MECOM: variants seen among roughly 807,000 people sequenced by gnomAD.
The protein encoded by MECOM is MDS1 and EVI1 complex locus.
MECOM carries 13 observed loss-of-function variants against 116.3 expected under a neutral mutation model. The observed-to-expected ratio is 0.11, with a 90% CI of 0.07 to 0.18. The LOEUF (loss-of-function observed/expected upper bound fraction) is 0.18, where lower values mean the gene tolerates loss of function less well. Among genes scored for constraint, MECOM ranks in the 10% least tolerant of loss-of-function variants. MECOM has a pLI of 1.00. For synonymous variants in MECOM, 528 were observed against 535.2 expected (o/e 0.99, Z 0.19); for missense variants, 1,299 against 1,509.0 (o/e 0.86, Z 2.31).
intron 2 of MECOM, among the ~76,000 whole-genome samples, chr3:169,254,237 A>G (rs182237023): frequency 1.3e-5 from 2 of 152,276 alleles, no homozygotes; most frequent in Non-Finnish European, 1.5e-5. Flanking sequence ...GAGTCAGTCT[A>G]GCACATCCAA....
chr3:169,569,830 A>G (rs780939348), intron 1 of MECOM, among the ~76,000 whole-genome samples: 4 of 152,212 alleles, frequency 2.6e-5, no homozygotes, highest in Non-Finnish European at 5.9e-5. Context: ...AATCTCTGGG[A>G]CACAGCTAAA....
intron 2 of MECOM, among the ~76,000 whole-genome samples, chr3:169,176,006 C>G (rs1439689811): frequency 6.6e-6 from 1 of 151,946 alleles, no homozygotes; most frequent in Non-Finnish European, 1.5e-5. Flanking sequence ...CGTTTTATTT[C>G]TTTACAAGAA....
chr3:169,214,200 G>T (rs765897371), intron 2 of MECOM, among the ~76,000 whole-genome samples: 1 of 151,878 alleles, frequency 6.6e-6, no homozygotes, highest in African/African-American at 2.4e-5. Context: ...AAACTAACAT[G>T]TATGAACATC....
chr3:169,548,971 C>CTTT (rs756925389), intron 1 of MECOM, among the ~76,000 whole-genome samples: 48 of 119,060 alleles, frequency 4.0e-4, no homozygotes, highest in East Asian at 2.2e-3. Context: ...ATTTGTCTCT[C>CTTT]TTTTTTTTTT....
At chr3:169,264,262 G>T (rs993468310) in intron 2 of MECOM, among the ~76,000 whole-genome samples, 3 of 152,148 alleles carry the variant, frequency 2.0e-5, no homozygotes, top group African/African-American at 7.2e-5. Flanking sequence ...TGTTGTTGTT[G>T]ATCTTTGTTT....
At chr3:169,100,101 C>CTTTTTT (rs869032341) in intron 12 of MECOM, among the ~76,000 whole-genome samples, 38 of 50,648 alleles carry the variant, frequency 7.5e-4, no homozygotes, top group African/African-American at 1.5e-3. Context: ...TTCTTTCTTT[C>CTTTTTT]TTTTTTTTTT....
chr3:169,510,412 A>T (rs1441168177), intron 1 of MECOM, among the ~76,000 whole-genome samples: 2 of 152,232 alleles, frequency 1.3e-5, no homozygotes, highest in Non-Finnish European at 2.9e-5. Flanking sequence ...CCTCCCAAGG[A>T]TGGCCTCCAT....
At chr3:169,597,825 A>C (rs1413244808) in intron 1 of MECOM, among the ~76,000 whole-genome samples, 1 of 152,188 alleles carries the variant, frequency 6.6e-6, no homozygotes, top group Non-Finnish European at 1.5e-5. Flanking sequence ...CAGAATAATG[A>C]AATAGGAGCC....
At chr3:169,149,118 C>T (rs2306281) in intron 2 of MECOM, among the ~76,000 whole-genome samples, 12,508 of 147,582 alleles carry the variant, frequency 0.085, 870 homozygotes, top group East Asian at 0.26. Context: ...TAAATTGGAC[C>T]GGCTCGAGCT....
chr3:169,432,233 G>A (rs981717384), intron 1 of MECOM, among the ~76,000 whole-genome samples: 3 of 151,338 alleles, frequency 2.0e-5, no homozygotes, highest in Non-Finnish European at 2.9e-5. Flanking sequence ...ATCTTGGCTC[G>A]CCACAACCTC....
rs9853495 is a variant in MECOM, at chr3:169,455,587, G to A, written c.38-74063C>T. 9.2e-5 allele frequency among the ~76,000 whole-genome samples: 14 copies of A among 152,158 alleles called. No homozygotes were observed. The East Asian group carries it at 1.9e-3, about 21-fold the overall frequency. On this transcript the variant is annotated intron_variant, in intron 1 of 16. Coordinates refer to ENST00000651503, the MANE Select transcript of MECOM (RefSeq NM_004991.4). ...CTATGAGAATGACTCTCATAATTCC[G>A]GAATATTTTACAGGTGAGTACAGCC...
At chr3:169,652,035 G>A (rs1401767285) in intron 1 of MECOM, among the ~76,000 whole-genome samples, 1 of 152,026 alleles carries the variant, frequency 6.6e-6, no homozygotes, top group East Asian at 1.9e-4. Context: ...AATGAAAAAA[G>A]ATTGATAAAA....
intron 1 of MECOM, among the ~76,000 whole-genome samples, chr3:169,580,621 A>T (rs1427247832): frequency 6.6e-6 from 1 of 152,174 alleles, no homozygotes; most frequent in African/African-American, 2.4e-5. Context: ...TATTTTCCTG[A>T]AAAGGCAGCT....
At chr3:169,579,256 G>C (rs1301532129) in intron 1 of MECOM, among the ~76,000 whole-genome samples, 10 of 152,180 alleles carry the variant, frequency 6.6e-5, no homozygotes. Context: ...TGAGCTGCAA[G>C]GGTCTATTCA....
intron 2 of MECOM, among the ~76,000 whole-genome samples, chr3:169,185,776 T>C (rs977504142): frequency 6.6e-6 from 1 of 152,202 alleles, no homozygotes; most frequent in Non-Finnish European, 1.5e-5. Flanking sequence ...CCTAATGATG[T>C]CTAACAAGCA....
chr3:169,596,271 C>A (rs1390526182), intron 1 of MECOM, among the ~76,000 whole-genome samples: 2 of 152,180 alleles, frequency 1.3e-5, no homozygotes, highest in African/African-American at 4.8e-5. Context: ...GTGCCAAGAG[C>A]TTTCTGTCCT....
chr3:169,190,794 A>G (rs1454652220), intron 2 of MECOM, among the ~76,000 whole-genome samples: 3 of 152,062 alleles, frequency 2.0e-5, no homozygotes, highest in Non-Finnish European at 4.4e-5. Flanking sequence ...CAATGCATAA[A>G]AGCAGCCCAG....
intron 2 of MECOM, among the ~76,000 whole-genome samples, chr3:169,245,374 G>C (rs1755451868): frequency 6.6e-6 from 1 of 152,094 alleles, no homozygotes. Flanking sequence ...TTTGAATAAA[G>C]AAATTTAAAA....
intron 1 of MECOM, among the ~76,000 whole-genome samples, chr3:169,525,794 C>T (rs374965715): frequency 1.6e-4 from 24 of 152,202 alleles, no homozygotes; most frequent in African/African-American, 5.1e-4. Context: ...TTTGGGAGGC[C>T]GAGGCGGGTG....
Sources: gnomAD v4.1 joint callset for allele counts (sites outside exome capture counted in the v4.1 genomes callset) on GRCh38, gnomAD v4.1.1 for gene constraint, MANE v1.5 for transcripts, NCBI Gene and HGNC (gene_info 2026-07-23, HGNC 2026-07-21) for gene names.